Variants in LMOD3 observed in about 807,000 individuals in gnomAD.
The protein encoded by LMOD3 is leiomodin 3.
In LMOD3, 31 loss-of-function variants were observed where a neutral mutation model predicts 41.8. The ratio of observed to expected loss-of-function variants is 0.74; its 90% confidence interval spans 0.56 to 1.00. The LOEUF is 1.00. LMOD3 is among the 50% of genes least tolerant of loss of function. The pLI, the probability that LMOD3 is intolerant of heterozygous loss-of-function variation, is 0.00. For missense variants in LMOD3, 755 were observed against 679.5 expected (o/e 1.11, Z -1.23); for synonymous variants, 292 against 241.9 (o/e 1.21, Z -1.92).
chr3:69,119,985 T>C lies in LMOD3; in HGVS notation c.370A>G (p.Asn124Asp). Residue 124 changes from asparagine to aspartate, a missense_variant, in exon 2 of 3, where the codon AAT (asparagine) becomes GAT (aspartate). Transcript: ENST00000420581. ...CTTTTATTTGCAACTATTTCATTATTGAGCTTTTCTTTTAAATACTGGGCC... is the reference window on the plus strand; with the variant it reads ...CTTTTATTTGCAACTATTTCATTATCGAGCTTTTCTTTTAAATACTGGGCC... Reference protein sequence around the residue: ...NMAQYLKEKLNNEIVANKRES... With the variant: ...NMAQYLKEKLDNEIVANKRES... 1 of 1,603,666 alleles carries C rather than the reference T, an allele frequency of 6.2e-7. No individual in the cohort carries two copies. The highest frequency in any genetic ancestry group is 8.5e-7 in the Non-Finnish European group (1 of 1,174,162).
chr3:69,122,128 C>G lies in LMOD3; in HGVS notation c.259G>C (p.Glu87Gln). 1 of 1,612,596 alleles carries G rather than the reference C, an allele frequency of 6.2e-7. No individual in the cohort carries two copies. The highest frequency in any genetic ancestry group is 8.5e-7 in the Non-Finnish European group (1 of 1,179,292). The change falls in exon 1 of 3, where the codon GAG becomes CAG. Residue 87 changes from glutamate to glutamine, a missense_variant. Physicochemically the swap from Glu to Gln is conservative, Grantham distance 29. Coordinates refer to ENST00000420581, the MANE Select transcript of LMOD3 (RefSeq NM_198271.5). ...WEKASRRMLE[E>Q]ERVPVTFVKS... ...ACAAAGGTGACAGGAACTCGTTCCT[C>G]TTCCAGCATGCGCCTGGATGCCTTT...
In LMOD3 at chr3:69,122,051, C is replaced by T. The variant is rs370603062; in HGVS notation, c.294+42G>A. On this transcript the variant is annotated intron_variant, in intron 1 of 2. Coordinates refer to ENST00000420581, the MANE Select transcript of LMOD3 (RefSeq NM_198271.5). ...ACAACAGAGAGACCTAACAGCCCAT[C>T]CCAGGCAGCCATTTCTCGGTTGTAC... 1.6e-4 allele frequency: 241 copies of T among 1,540,864 alleles called. 1 individual carries two copies. Among genetic ancestry groups the T allele is most frequent in the Middle Eastern group, 1.0e-3 (6 of 5,836 alleles).
Position 69,109,133 on chromosome 3 carries a change from G to A in LMOD3, c.1657-12C>T, listed in dbSNP as rs761320500. 1 of 1,600,770 alleles carries A rather than the reference G, an allele frequency of 6.2e-7. No individual in the cohort carries two copies. Among genetic ancestry groups the A allele is most frequent in the East Asian group, 2.2e-5 (1 of 44,542 alleles). ...TTTGGCAGTTGCACCTGCGATTTAA[G>A]CATTTGAGGAAACGGGGGAAATTAA... On this transcript the variant is annotated splice_polypyrimidine_tract_variant and intron_variant, in intron 2 of 2. Transcript: ENST00000420581.
intron 2 of LMOD3, among the ~76,000 whole-genome samples, chr3:69,109,681 C>T (rs2092339098): frequency 6.6e-6 from 1 of 151,898 alleles, no homozygotes; most frequent in Admixed American, 6.6e-5. Context: ...GCATGTGCCA[C>T]CAATGCCCAG....
At chr3:69,116,560 G>T (rs2092374288) in intron 2 of LMOD3, among the ~76,000 whole-genome samples, 1 of 152,102 alleles carries the variant, frequency 6.6e-6, no homozygotes, top group Admixed American at 6.5e-5. Flanking sequence ...TGCAGTGCTT[G>T]GTGGGGTGTT....
rs961059709 is a variant in LMOD3, at chr3:69,108,699, T to G, written c.*396A>C. 3.0e-5 allele frequency: 5 copies of G among 166,450 alleles called. No individual in the cohort carries two copies. Among genetic ancestry groups the G allele is most frequent in the African/African-American group, 1.2e-4 (5 of 41,762 alleles). 10.3% of individuals were successfully genotyped at this position (166,450 alleles called of 1,614,324 possible). On this transcript the variant is annotated 3_prime_UTR_variant, in exon 3 of 3. Transcript: ENST00000420581. The stretch of plus-strand genomic sequence containing the variant: ...ATGTGATGAATTACCGCAGAAGAGA[T>G]GGAAGGAGAAAAAAATGGGAATACA...
Position 69,118,747 on chromosome 3 carries a change from A to G in LMOD3, c.1608T>C (p.Asp536=). The G allele has an allele frequency of 6.2e-7, 1 of 1,612,154 alleles. No homozygotes were observed. Among genetic ancestry groups the G allele is most frequent in the Non-Finnish European group, 8.5e-7 (1 of 1,179,540 alleles). Residue 536 remains aspartate (D), a synonymous_variant, in exon 2 of 3, where the codon GAT becomes GAC. Transcript: ENST00000420581. ...TGTGACGAATGTCGTTTAGCAGCTG[A>G]TCTCTGGGAGTGATTTCCACCAATG... ...PPPLVEITPR[D]QLLNDIRHSS... is the part of the protein sequence containing the mutation.
At chr3:69,113,418 T>A (rs933422120) in intron 2 of LMOD3, among the ~76,000 whole-genome samples, 5 of 152,124 alleles carry the variant, frequency 3.3e-5, no homozygotes, top group African/African-American at 1.2e-4. Context: ...ATCTAGAGAA[T>A]CTGGCTAAAG....
chr3:69,113,481 G>A (rs72924875), intron 2 of LMOD3, among the ~76,000 whole-genome samples: 4,392 of 152,306 alleles, frequency 0.029, 184 homozygotes, highest in African/African-American at 0.092. Flanking sequence ...TGATGAAGAT[G>A]AATGCTGAAG....
Position 69,122,493 on chromosome 3 carries a change from A to G in LMOD3, c.-107T>C. On this transcript the variant is annotated 5_prime_UTR_variant, in exon 1 of 3. Transcript: ENST00000420581. ...GGTCCCCCAGTTAACGAGTGTCCCA[A>G]GTTAACACACCCTTGAGATATTTTT... 2 of 814,084 alleles carry G rather than the reference A, an allele frequency of 2.5e-6. No homozygotes were observed. Among genetic ancestry groups the G allele is most frequent in the Non-Finnish European group, 3.8e-6 (2 of 531,738 alleles). The allele number at this position is 814,084 out of a possible 1,614,324, so 50.4% of individuals were successfully genotyped here. A position where few individuals can be genotyped will look rare whatever the true frequency, so the allele number is the denominator to read the frequency against.
At chr3:69,120,114 T>C in intron 1 of LMOD3, 54 bp from the exon 2 acceptor site, 2 of 1,514,074 alleles carry the variant, frequency 1.3e-6, no homozygotes, top group Non-Finnish European at 1.8e-6. Flanking sequence ...AAATATGAAG[T>C]GGAGCATCAG....
Position 69,119,511 on chromosome 3 carries a change from TG to T in LMOD3, c.843del (p.Asn281LysfsTer9). The T allele has an allele frequency of 3.1e-6, 5 of 1,614,014 alleles. No individual in the cohort carries two copies. Among genetic ancestry groups the T allele is most frequent in the Non-Finnish European group, 4.2e-6 (5 of 1,179,894 alleles). ...LLDFVNAMKK[N>X]KHIKTFSLAN... ...GCTAAACTGAATGTTTTGATGTGCT[TG>T]TTTTTCTTCATTGCATTGACAAAGT... On this transcript the variant is annotated frameshift_variant, in exon 2 of 3. Transcript: ENST00000420581. LOFTEE classifies it high-confidence loss of function.
At chr3:69,109,680 A>C (rs532987097) in intron 2 of LMOD3, among the ~76,000 whole-genome samples, 39 of 151,974 alleles carry the variant, frequency 2.6e-4, no homozygotes, top group Admixed American at 1.2e-3. Context: ...GGCATGTGCC[A>C]CCAATGCCCA....
chr3:69,120,692 G>T (rs1254850658), intron 1 of LMOD3, among the ~76,000 whole-genome samples: 2 of 150,870 alleles, frequency 1.3e-5, no homozygotes, highest in African/African-American at 4.9e-5. Context: ...TATTTTTTCA[G>T]TTCTTTGACA....
At chr3:69,111,130 T>A (rs1207051969) in intron 2 of LMOD3, among the ~76,000 whole-genome samples, 1 of 152,146 alleles carries the variant, frequency 6.6e-6, no homozygotes, top group Admixed American at 6.5e-5. Flanking sequence ...TGTTTCTCCC[T>A]GTATTGCTAA....
At chr3:69,110,997 G>C (rs139221766) in intron 2 of LMOD3, among the ~76,000 whole-genome samples, 1,846 of 151,374 alleles carry the variant, frequency 0.012, 34 homozygotes, top group African/African-American at 0.042. Context: ...GTTTTTAAAG[G>C]GTTTCAAGTG....
chr3:69,110,762 G>C (rs1236165767), intron 2 of LMOD3, among the ~76,000 whole-genome samples: 1 of 144,364 alleles, frequency 6.9e-6, no homozygotes, highest in Admixed American at 6.9e-5. Context: ...AGAATTGCTT[G>C]AACCCGGGAG....
chr3:69,117,115 A>G (rs777591842), intron 2 of LMOD3, among the ~76,000 whole-genome samples: 4 of 152,224 alleles, frequency 2.6e-5, no homozygotes, highest in Admixed American at 1.3e-4. Flanking sequence ...GCAGGTGCAG[A>G]AAGTCTTGAT....
Position 69,119,164 on chromosome 3 carries a change from T to C in LMOD3, c.1191A>G (p.Gln397=). 1 of 1,613,892 alleles carries C rather than the reference T, an allele frequency of 6.2e-7. No individual in the cohort carries two copies. The highest frequency in any genetic ancestry group is 8.5e-7 in the Non-Finnish European group (1 of 1,179,850). Residue 397 remains glutamine, a synonymous_variant, in exon 2 of 3, where the codon CAA becomes CAG. Transcript: ENST00000420581. ...TNLLTRNQDK[Q]RQKRQEEQKQ... ...TTTGCTCTTCCTGTCGTTTCTGCCT[T>C]TGTTTATCCTGATTCCTGGTGAGCA... is the stretch of plus-strand genomic sequence containing the variant.
Sources: allele counts gnomAD v4.1 joint callset (sites outside exome capture counted in the v4.1 genomes callset), GRCh38; gene constraint gnomAD v4.1.1; transcripts MANE v1.5; gene names NCBI Gene and HGNC (gene_info 2026-07-23, HGNC 2026-07-21).